The following SLC22A23 variants were observed in gnomAD, a reference collection of about 807,000 sequenced individuals.
SLC22A23 encodes the protein ion transporter protein.
In SLC22A23, 26 loss-of-function variants were observed where a neutral mutation model predicts 61.0. That is an observed-to-expected ratio of 0.43 (90% CI 0.31 to 0.59). The LOEUF (loss-of-function observed/expected upper bound fraction) is 0.59. SLC22A23 is among the 20% of genes least tolerant of loss of function. SLC22A23 has a pLI of 0.11. For synonymous variants in SLC22A23, 430 were observed against 413.9 expected (o/e 1.04, Z -0.47); for missense variants, 796 against 934.7 (o/e 0.85, Z 1.94).
At chr6:3,422,591 C>T (rs1770216076) in intron 1 of SLC22A23, among the ~76,000 whole-genome samples, 1 of 152,118 alleles carries the variant, frequency 6.6e-6, no homozygotes, top group African/African-American at 2.4e-5. Flanking sequence ...CTAAGCTCAT[C>T]CTCCAATTTT....
At position 3,362,420 on chromosome 6, in the gene SLC22A23, AATAAAAAATAAAAAAT is replaced by A. The variant is rs1456360419; in HGVS notation, c.914-38434_914-38419del. 6.1e-4 allele frequency among the ~76,000 whole-genome samples: 33 copies of A among 53,778 alleles called. 9 individuals carry two copies. The highest frequency in any genetic ancestry group is 1.7e-3 in the South Asian group (2 of 1,198). The allele number at this position is 53,778 out of a possible 152,430, so 35.3% of individuals were successfully genotyped here. ...TCCGTCTCACAAAAAAAAAAAATAA[AATAAAAAATAAAAAAT>A]AAAAATTAGCATGCATTTTCATCAG... On this transcript the variant is annotated intron_variant, in intron 3 of 9. Coordinates refer to ENST00000406686, the MANE Select transcript of SLC22A23 (RefSeq NM_015482.2).
In SLC22A23 at chr6:3,442,385, C is replaced by A. The variant is rs984644132; in HGVS notation, c.654+13521G>T. On this transcript the variant is annotated intron_variant, in intron 1 of 9. Coordinates refer to ENST00000406686, the MANE Select transcript of SLC22A23 (RefSeq NM_015482.2). ...ATGCACCTAAAGCCACAGAACTGTA[C>A]ACTGAAAAATGGCTAAAATAGTACA... 4.6e-5 allele frequency among the ~76,000 whole-genome samples: 7 copies of A among 152,152 alleles called. No individual in the cohort carries two copies. The South Asian group carries it at 6.2e-4, about 14-fold the overall frequency.
chr6:3,377,748 A>G (rs1766672944), intron 3 of SLC22A23: 1 of 152,568 alleles, frequency 6.6e-6, no homozygotes, highest in Non-Finnish European at 1.5e-5. Flanking sequence ...AGGTGGGGAA[A>G]CGAGTGAGGA....
chr6:3,300,738 T>C (rs994331430), intron 4 of SLC22A23, among the ~76,000 whole-genome samples: 1 of 152,210 alleles, frequency 6.6e-6, no homozygotes, highest in African/African-American at 2.4e-5. Flanking sequence ...TCATACCTAT[T>C]TGAAAAAAGT....
At chr6:3,301,161 C>A (rs1186897978) in intron 4 of SLC22A23, among the ~76,000 whole-genome samples, 1 of 151,952 alleles carries the variant, frequency 6.6e-6, no homozygotes, top group Non-Finnish European at 1.5e-5. Flanking sequence ...AATAAAACAA[C>A]CTAACACAAA....
chr6:3,374,557 C>A (rs981958284), intron 3 of SLC22A23, among the ~76,000 whole-genome samples: 2 of 152,192 alleles, frequency 1.3e-5, no homozygotes, highest in African/African-American at 4.8e-5. Context: ...TTTGGAGAAA[C>A]TGGGCGGGCT....
intron 3 of SLC22A23, among the ~76,000 whole-genome samples, chr6:3,356,347 C>T (rs997750577): frequency 6.6e-6 from 1 of 151,652 alleles, no homozygotes; most frequent in Admixed American, 6.6e-5. Flanking sequence ...AAAACAGTGT[C>T]TTAGATCCAC....
intron 3 of SLC22A23, among the ~76,000 whole-genome samples, chr6:3,326,138 C>T (rs1232732719): frequency 6.6e-6 from 1 of 152,232 alleles, no homozygotes; most frequent in Non-Finnish European, 1.5e-5. Flanking sequence ...AGGGAAAATG[C>T]TCCCTTGCTG....
rs529993810 is a variant in SLC22A23, at chr6:3,389,892, C to T, written c.913+20296G>A. On this transcript the variant is annotated intron_variant, in intron 3 of 9. Coordinates refer to ENST00000406686, the MANE Select transcript of SLC22A23 (RefSeq NM_015482.2). Reference sequence around the variant, plus strand: ...TAGTGGAGAACGGCCTTGCTGGAACCGGTTTCAAAGATTCGCTCTCATTGT... The same window carrying T: ...TAGTGGAGAACGGCCTTGCTGGAACTGGTTTCAAAGATTCGCTCTCATTGT... Among the ~76,000 whole-genome samples the T allele has an allele frequency of 3.3e-5, 5 of 152,346 alleles. No individual in the cohort carries two copies. The South Asian group carries it at 6.2e-4, about 19-fold the overall frequency.
intron 1 of SLC22A23, among the ~76,000 whole-genome samples, chr6:3,416,974 C>G (rs1201961328): frequency 1.3e-5 from 2 of 152,146 alleles, no homozygotes; most frequent in Non-Finnish European, 1.5e-5. Context: ...ATGTCTCCCC[C>G]CGCCCCTTGT....
rs551433081 is a variant in SLC22A23, at chr6:3,427,732, A to T, written c.655-11877T>A. The stretch of plus-strand genomic sequence containing the variant: ...AATATACTATTTTTCTGACCAAAAG[A>T]AAAAAAAAAGTAGGATGGTTCTCAA... On this transcript the variant is annotated intron_variant, in intron 1 of 9. Coordinates refer to ENST00000406686, the MANE Select transcript of SLC22A23 (RefSeq NM_015482.2). This position sits in a 1 kb window ranked among gnomAD's most constrained non-coding sequence, Gnocchi z 4.3. 6.7e-6 allele frequency among the ~76,000 whole-genome samples: 1 copy of T among 149,880 alleles called. No individual in the cohort carries two copies. Among genetic ancestry groups the T allele is most frequent in the Non-Finnish European group, 1.5e-5 (1 of 67,416 alleles).
At chr6:3,361,093 T>G (rs1390452393) in intron 3 of SLC22A23, among the ~76,000 whole-genome samples, 3 of 146,610 alleles carry the variant, frequency 2.0e-5, no homozygotes, top group Non-Finnish European at 3.0e-5. Flanking sequence ...CAAGTTAAAC[T>G]GCTTAAGGAC....
chr6:3,348,078 G>A (rs1225739036), intron 3 of SLC22A23, among the ~76,000 whole-genome samples: 4 of 152,182 alleles, frequency 2.6e-5, no homozygotes, highest in Non-Finnish European at 4.4e-5. Flanking sequence ...AGCTGTGGGG[G>A]ACACACTTAT....
Position 3,439,225 on chromosome 6 carries a change from C to T in SLC22A23, c.654+16681G>A, listed in dbSNP as rs76903505. 4.2e-3 allele frequency: 1,652 copies of T among 394,402 alleles called. 28 individuals are homozygous for T. The highest frequency in any genetic ancestry group is 0.031 in the African/African-American group (1,491 of 48,076). The allele number at this position is 394,402 out of a possible 1,614,324, so 24.4% of individuals were successfully genotyped here. On this transcript the variant is annotated intron_variant, in intron 1 of 9. Transcript: ENST00000406686. Reference sequence around the variant, plus strand: ...GCCAGTAGCACCCTCCCCCCATGCCCCCAAAGGTGTGACAACAACGACAAA... The same window carrying T: ...GCCAGTAGCACCCTCCCCCCATGCCTCCAAAGGTGTGACAACAACGACAAA...
At chr6:3,323,600 G>A (rs1763094411) in intron 4 of SLC22A23, 1 of 583,634 alleles carries the variant, frequency 1.7e-6, no homozygotes, top group Non-Finnish European at 3.0e-6. Flanking sequence ...GCAGATTTTT[G>A]GAGCTGGGTG....
At chr6:3,433,368 G>T (rs1770993968) in intron 1 of SLC22A23, among the ~76,000 whole-genome samples, 1 of 152,096 alleles carries the variant, frequency 6.6e-6, no homozygotes, top group South Asian at 2.1e-4. Flanking sequence ...GGCCACACAG[G>T]GGCCACAACT....
chr6:3,387,222 C>T lies in SLC22A23; in HGVS notation c.913+22966G>A, dbSNP rs1038639845. ...AACTGCAGAGGAGAAGCCTGGCAGACCCCATCTCAACTGAGGAAGGTTAGC... is the reference window on the plus strand; with the variant it reads ...AACTGCAGAGGAGAAGCCTGGCAGATCCCATCTCAACTGAGGAAGGTTAGC... On this transcript the variant is annotated intron_variant, in intron 3 of 9. Transcript: ENST00000406686. This position sits in a 1 kb window ranked among gnomAD's most constrained non-coding sequence, Gnocchi z 5.0. Among the ~76,000 whole-genome samples, 8 of 152,224 alleles carry T rather than the reference C, an allele frequency of 5.3e-5. No individual in the cohort carries two copies. Among genetic ancestry groups the T allele is most frequent in the African/African-American group, 1.9e-4 (8 of 41,468 alleles).
chr6:3,289,225 C>T (rs1760334853), intron 6 of SLC22A23, among the ~76,000 whole-genome samples: 1 of 152,368 alleles, frequency 6.6e-6, no homozygotes, highest in Admixed American at 6.5e-5. Flanking sequence ...AGTGATGCCC[C>T]CAGCCCCTGC....
In SLC22A23 at chr6:3,372,632, G is replaced by C. The variant is rs918082924; in HGVS notation, c.913+37556C>G. Among the ~76,000 whole-genome samples the C allele has an allele frequency of 6.6e-6, 1 of 152,164 alleles. No homozygotes were observed. The highest frequency in any genetic ancestry group is 2.4e-5 in the African/African-American group (1 of 41,448). ...TCTCATGCACAGGGCCCTCAGCATG[G>C]ACTGCAGCCTCCCAGCTCAGCTGGG... On this transcript the variant is annotated intron_variant, in intron 3 of 9. Transcript: ENST00000406686. This position sits in a 1 kb window ranked among gnomAD's most constrained non-coding sequence, Gnocchi z 4.7.
Sources: gnomAD v4.1 joint callset for allele counts (sites outside exome capture counted in the v4.1 genomes callset) on GRCh38, gnomAD v4.1.1 for gene constraint, Gnocchi (gnomAD v3.1) non-coding constraint, MANE v1.5 for transcripts, NCBI Gene and HGNC (gene_info 2026-07-23, HGNC 2026-07-21) for gene names.